Variants in ALK observed in about 807,000 individuals in gnomAD.
ALK encodes ALK receptor tyrosine kinase, also known as ALK tyrosine kinase receptor.
ALK carries 74 observed loss-of-function variants against 163.1 expected under a neutral mutation model. The ratio of observed to expected loss-of-function variants is 0.45; its 90% CI spans 0.38 to 0.55. The LOEUF is 0.55. ALK is among the 20% of genes least tolerant of loss of function. The probability of loss-of-function intolerance (pLI) is 0.00; values close to 1 mark genes in which losing one functional copy is unlikely to be tolerated. For missense variants in ALK, 2,063 were observed against 2,105.3 expected (o/e 0.98, Z 0.39); for synonymous variants, 960 against 843.2 (o/e 1.14, Z -2.40).
intron 3 of ALK, among the ~76,000 whole-genome samples, chr2:29,621,278 C>T (rs111712726): frequency 0.013 from 2,003 of 152,130 alleles, 36 homozygotes; most frequent in African/African-American, 0.036. Flanking sequence ...AATTGTTCAT[C>T]GCTTTTTTTG....
intron 1 of ALK, among the ~76,000 whole-genome samples, chr2:29,840,668 G>A (rs1348584897): frequency 2.0e-5 from 3 of 152,096 alleles, no homozygotes; most frequent in Non-Finnish European, 4.4e-5. Flanking sequence ...TCTTGAATTC[G>A]GGAAAGAAAG....
At chr2:29,458,303 A>C (rs1475495698) in intron 4 of ALK, among the ~76,000 whole-genome samples, 1 of 152,170 alleles carries the variant, frequency 6.6e-6, no homozygotes, top group African/African-American at 2.4e-5. Context: ...AATTTGCTTC[A>C]AAATCAACCA....
intron 3 of ALK, among the ~76,000 whole-genome samples, chr2:29,574,424 T>G (rs1674466725): frequency 6.6e-6 from 1 of 152,260 alleles, no homozygotes; most frequent in Non-Finnish European, 1.5e-5. Flanking sequence ...TGTTCTCTGC[T>G]TTTGATTTTA....
intron 4 of ALK, among the ~76,000 whole-genome samples, chr2:29,436,955 G>A (rs1008017463): frequency 6.6e-6 from 1 of 152,184 alleles, no homozygotes; most frequent in African/African-American, 2.4e-5. Context: ...AGTGACAGAG[G>A]TAGTGAGGGG....
chr2:29,496,475 T>C lies in ALK; in HGVS notation c.1154+35440A>G, dbSNP rs539514926. On this transcript the variant is annotated intron_variant, in intron 4 of 28. Coordinates refer to ENST00000389048, the MANE Select transcript of ALK (RefSeq NM_004304.5). ...TTGCATCATCACTGCTATAGATCTT[T>C]ATGTTTTTTAATGACAGTTTTCCAG... Among the ~76,000 whole-genome samples the C allele has an allele frequency of 2.0e-5, 3 of 152,330 alleles. No individual in the cohort carries two copies. The South Asian group carries it at 6.2e-4, about 32-fold the overall frequency.
intron 1 of ALK, among the ~76,000 whole-genome samples, chr2:29,864,638 T>A (rs945808253): frequency 6.6e-6 from 1 of 152,310 alleles, no homozygotes; most frequent in East Asian, 1.9e-4. Context: ...GTTAATGTAT[T>A]TGCATAGTAT....
intron 1 of ALK, among the ~76,000 whole-genome samples, chr2:29,754,032 A>G (rs932579427): frequency 6.0e-5 from 9 of 151,100 alleles, no homozygotes; most frequent in African/African-American, 1.2e-4. Context: ...TGGATGTTGG[A>G]AAAAAAAAAT....
chr2:29,607,712 G>A (rs548826132), intron 3 of ALK, among the ~76,000 whole-genome samples: 13 of 152,116 alleles, frequency 8.5e-5, no homozygotes, highest in Non-Finnish European at 1.8e-4. Flanking sequence ...CTCCCTCTCA[G>A]CCACTGTACG....
At chr2:29,358,052 TG>T (rs1668294059) in intron 5 of ALK, among the ~76,000 whole-genome samples, 1 of 152,192 alleles carries the variant, frequency 6.6e-6, no homozygotes. Context: ...TTTTCACAGA[TG>T]GTAAACAGCA....
At chr2:29,618,967 A>T (rs1360590363) in intron 3 of ALK, among the ~76,000 whole-genome samples, 1 of 151,598 alleles carries the variant, frequency 6.6e-6, no homozygotes, top group African/African-American at 2.4e-5. Context: ...CGACAAAGCG[A>T]GACTGCGTCT....
intron 5 of ALK, among the ~76,000 whole-genome samples, chr2:29,363,420 A>G (rs144741830): frequency 2.4e-4 from 37 of 152,292 alleles, no homozygotes; most frequent in Admixed American, 5.9e-4. Flanking sequence ...TCAGCCCCAG[A>G]GAGGTCTGTC....
intron 1 of ALK, among the ~76,000 whole-genome samples, chr2:29,805,687 G>A (rs1664591813): frequency 6.6e-6 from 1 of 152,122 alleles, no homozygotes; most frequent in Admixed American, 6.5e-5. Flanking sequence ...TCTTTTTTAT[G>A]GCTGCATAGT....
chr2:29,365,891 T>C (rs144747560), intron 5 of ALK, among the ~76,000 whole-genome samples: 1 of 152,330 alleles, frequency 6.6e-6, no homozygotes, highest in East Asian at 1.9e-4. Flanking sequence ...GAGCTCATTA[T>C]TATGACAATT....
chr2:29,826,517 G>T (rs1039901595), intron 1 of ALK, among the ~76,000 whole-genome samples: 1 of 151,556 alleles, frequency 6.6e-6, no homozygotes, highest in Non-Finnish European at 1.5e-5. Context: ...TATGTGTCAG[G>T]GTTTAGCATT....
At position 29,196,812 on chromosome 2, in the gene ALK, G is replaced by A. The variant is rs758759672; in HGVS notation, c.4122C>T (p.Pro1374=). ...QCWQHQPEDR[P]NFAIILERIE... ...TCCTCTCCAAAATGATGGCAAAGTT[G>A]GGCCTGTCTTCAGGCTGATGTTGCC... The change falls in exon 28 of 29, where the codon CCC becomes CCT. Residue 1374 remains proline (P), a synonymous_variant. Transcript: ENST00000389048. 3 of 1,614,110 alleles carry A rather than the reference G, an allele frequency of 1.9e-6. No homozygotes were observed. Among genetic ancestry groups the A allele is most frequent in the South Asian group, 1.1e-5 (1 of 91,084 alleles).
chr2:29,542,000 T>C (rs1673426187), intron 3 of ALK, among the ~76,000 whole-genome samples: 1 of 152,206 alleles, frequency 6.6e-6, no homozygotes, highest in African/African-American at 2.4e-5. Context: ...CCCATTCTTT[T>C]TGTAACTTCA....
At chr2:29,499,932 G>T (rs1420669671) in intron 4 of ALK, among the ~76,000 whole-genome samples, 1 of 152,050 alleles carries the variant, frequency 6.6e-6, no homozygotes, top group African/African-American at 2.4e-5. Flanking sequence ...TCTTATTCAT[G>T]GAACACTTGT....
intron 3 of ALK, among the ~76,000 whole-genome samples, chr2:29,609,485 C>T (rs1675631061): frequency 6.6e-6 from 1 of 152,136 alleles, no homozygotes; most frequent in Non-Finnish European, 1.5e-5. Context: ...ATCTACACAT[C>T]CAAAATTAAT....
intron 1 of ALK, among the ~76,000 whole-genome samples, chr2:29,885,036 C>G (rs1194825091): frequency 1.3e-5 from 2 of 152,092 alleles, no homozygotes; most frequent in African/African-American, 4.8e-5. Context: ...ACTCCTAAAC[C>G]TTGAAGAGAA....
Sources: allele counts gnomAD v4.1 joint callset (sites outside exome capture counted in the v4.1 genomes callset), GRCh38; gene constraint gnomAD v4.1.1; transcripts MANE v1.5; gene names NCBI Gene and HGNC (gene_info 2026-07-23, HGNC 2026-07-21).